SASH1: variants seen among roughly 807,000 people sequenced by gnomAD.
SASH1 encodes SAM and SH3 domain containing 1.
In SASH1, 44 loss-of-function variants were observed where a neutral mutation model predicts 125.2. The ratio of observed to expected loss-of-function variants is 0.35; its 90% CI spans 0.28 to 0.45. The LOEUF is 0.45. Among genes scored for constraint, SASH1 ranks in the 20% least tolerant of loss-of-function variants. The probability of loss-of-function intolerance (pLI) is 1.00; values close to 1 mark genes in which losing one functional copy is unlikely to be tolerated. For missense variants in SASH1, 1,426 were observed against 1,614.5 expected (o/e 0.88, Z 2.00); for synonymous variants, 639 against 649.1 (o/e 0.98, Z 0.24).
intron 1 of SASH1, among the ~76,000 whole-genome samples, chr6:148,275,835 C>A (rs182212939): frequency 6.6e-6 from 1 of 152,320 alleles, no homozygotes; most frequent in Non-Finnish European, 1.5e-5. Flanking sequence ...AATCCTCCTG[C>A]CATAGCCTCC....
At chr6:148,392,841 C>T (rs1783785200) in intron 2 of SASH1, among the ~76,000 whole-genome samples, 1 of 152,088 alleles carries the variant, frequency 6.6e-6, no homozygotes, top group Admixed American at 6.6e-5. Context: ...AACTTTGTTC[C>T]TTGACATGTG....
At chr6:148,306,430 A>G (rs1780131897) in intron 1 of SASH1, among the ~76,000 whole-genome samples, 1 of 152,108 alleles carries the variant, frequency 6.6e-6, no homozygotes, top group Non-Finnish European at 1.5e-5. Context: ...GGTCCCAGGG[A>G]AACTCTTGTT....
intron 4 of SASH1, among the ~76,000 whole-genome samples, chr6:148,449,417 C>T (rs1227288154): frequency 6.9e-6 from 1 of 144,634 alleles, no homozygotes; most frequent in Non-Finnish European, 1.5e-5. Flanking sequence ...GACGTAGTTT[C>T]GCTCTTGTTG....
At chr6:148,465,967 C>T (rs112741201) in intron 4 of SASH1, among the ~76,000 whole-genome samples, 7,839 of 152,140 alleles carry the variant, frequency 0.052, 290 homozygotes, top group African/African-American at 0.1. Flanking sequence ...CCTGTGGCTC[C>T]CCTTCCTTCG....
chr6:148,415,378 A>G (rs1184497500), intron 2 of SASH1, among the ~76,000 whole-genome samples: 1 of 152,196 alleles, frequency 6.6e-6, no homozygotes, highest in Non-Finnish European at 1.5e-5. Context: ...CATTTGCTTG[A>G]CACAACCTGT....
chr6:148,544,319 G>A lies in SASH1; in HGVS notation c.2849G>A (p.Gly950Asp), dbSNP rs567783301. 9.9e-6 allele frequency: 16 copies of A among 1,614,178 alleles called. No homozygotes were observed. In the African/African-American group the frequency reaches 2.0e-4, roughly 20 times the overall value. Residue 950 changes from glycine to aspartate, a missense_variant, in exon 18 of 20, where the codon GGC (glycine) becomes GAC (aspartate). Transcript: ENST00000367467. The surrounding 1 kb of genome is among the most constrained non-coding windows in gnomAD (Gnocchi z 6.4). Reference protein sequence around the residue: ...KHGLARTPLEGHRKGHEFEGT... With the variant: ...KHGLARTPLEDHRKGHEFEGT... ...GGTTTAGCAAGGACGCCTCTGGAGG[G>A]CCACAGAAAAGGACACGAGTTTGAA...
chr6:148,203,736 G>A, the SASH1 span, among the ~76,000 whole-genome samples: 1 of 152,120 alleles, frequency 6.6e-6, no homozygotes, highest in African/African-American at 2.4e-5. Context: ...AGTAAAAATG[G>A]GCTAACTATT....
chr6:148,534,120 G>A (rs1781693967), intron 15 of SASH1, 140 bp downstream of exon 15: 8 of 664,380 alleles, frequency 1.2e-5, no homozygotes, highest in Non-Finnish European at 7.7e-6. Flanking sequence ...ACTATGATGA[G>A]CATTCATTAT....
the SASH1 span, among the ~76,000 whole-genome samples, chr6:148,267,001 G>T: frequency 1.3e-5 from 2 of 152,014 alleles, no homozygotes; most frequent in African/African-American, 2.4e-5. Flanking sequence ...CATGCCTAAG[G>T]TACACCTCAG....
rs753697392 is a variant in SASH1, at chr6:148,548,381, C to A, written c.3567C>A (p.Ile1189=). The change falls in exon 20 of 20, where the codon ATC becomes ATA. Residue 1189 remains isoleucine, a synonymous_variant. Transcript: ENST00000367467. ...CTGTGTCAGATTGGCTCATTTCCATCGGTCTGCCCATGTACGCCGGCACCC... is the reference window on the plus strand; with the variant it reads ...CTGTGTCAGATTGGCTCATTTCCATAGGTCTGCCCATGTACGCCGGCACCC... ...ISSVSDWLIS[I]GLPMYAGTLS... 6.2e-7 allele frequency: 1 copy of A among 1,614,220 alleles called. No individual in the cohort carries two copies. The highest frequency in any genetic ancestry group is 2.2e-5 in the East Asian group (1 of 44,888).
At chr6:148,488,532 A>G (rs1243881077) in intron 8 of SASH1, among the ~76,000 whole-genome samples, 2 of 152,194 alleles carry the variant, frequency 1.3e-5, no homozygotes, top group African/African-American at 2.4e-5. Flanking sequence ...GAATTTCTGG[A>G]TCATGTAGTA....
intron 17 of SASH1, among the ~76,000 whole-genome samples, chr6:148,542,626 A>T (rs780706840): frequency 6.6e-6 from 1 of 152,130 alleles, no homozygotes. Context: ...TGACCTCGTG[A>T]TCCACCTGCC....
At position 148,415,244 on chromosome 6, in the gene SASH1, A is replaced by G. The variant is rs544593168; in HGVS notation, c.286-24940A>G. On this transcript the variant is annotated intron_variant, in intron 2 of 19. Transcript: ENST00000367467. ...TTACATACTGACATTAGTGATAATT[A>G]TTTGTTTGTCTAGGAAGTTCTGATT... is the stretch of plus-strand genomic sequence containing the variant. Among the ~76,000 whole-genome samples, 27 of 152,268 alleles carry G rather than the reference A, an allele frequency of 1.8e-4. No individual in the cohort carries two copies. The South Asian group carries it at 3.3e-3, about 19-fold the overall frequency.
At chr6:148,290,734 G>A (rs1225344557) in intron 1 of SASH1, among the ~76,000 whole-genome samples, 1 of 37,798 alleles carries the variant, frequency 2.6e-5, no homozygotes, top group East Asian at 1.2e-3. Context: ...ACTGCGGAAG[G>A]CGGAAGGCGG....
chr6:148,267,208 A>G, the SASH1 span, among the ~76,000 whole-genome samples: 1 of 152,164 alleles, frequency 6.6e-6, no homozygotes, highest in South Asian at 2.1e-4. Flanking sequence ...GCTTTCACAT[A>G]TGTTACAGAT....
chr6:148,217,782 T>A, the SASH1 span, among the ~76,000 whole-genome samples: 7 of 144,848 alleles, frequency 4.8e-5, no homozygotes, highest in Non-Finnish European at 1.1e-4. Flanking sequence ...AAGTGGGAGG[T>A]GGGAGGATCC....
At chr6:148,334,883 G>C (rs950698894) in intron 1 of SASH1, among the ~76,000 whole-genome samples, 1 of 148,356 alleles carries the variant, frequency 6.7e-6, no homozygotes, top group African/African-American at 2.5e-5. Context: ...CTGAGGTAGG[G>C]AGAATCACTT....
At chr6:148,489,301 GCTCT>G (rs1562453478) in intron 8 of SASH1, among the ~76,000 whole-genome samples, 1 of 151,948 alleles carries the variant, frequency 6.6e-6, no homozygotes, top group African/African-American at 2.4e-5. Flanking sequence ...GTATTTCTGG[GCTCT>G]CTATTTTATT....
At chr6:148,440,151 A>T in intron 2 of SASH1, 33 bp from the exon 3 acceptor site, 1 of 1,608,844 alleles carries the variant, frequency 6.2e-7, no homozygotes, top group East Asian at 2.2e-5. Context: ...CATGTTTGGA[A>T]GTCCCGTTAA....
Sources: allele counts gnomAD v4.1 joint callset (sites outside exome capture counted in the v4.1 genomes callset), GRCh38; gene constraint gnomAD v4.1.1; non-coding constraint Gnocchi (gnomAD v3.1); transcripts MANE v1.5; gene names NCBI Gene and HGNC (gene_info 2026-07-23, HGNC 2026-07-21).